The following CDKL3 variants were observed in gnomAD, a reference collection of about 807,000 sequenced individuals.
The protein encoded by CDKL3 is cyclin dependent kinase like 3, also known as cyclin-dependent kinase-like 3.
CDKL3 carries 65 observed loss-of-function variants against 69.3 expected under a neutral mutation model. The observed-to-expected ratio is 0.94, with a 90% CI of 0.77 to 1.15. The LOEUF (loss-of-function observed/expected upper bound fraction) is 1.15. CDKL3 is among the 50% of genes most tolerant of loss of function. CDKL3 has a pLI of 0.00. For synonymous variants in CDKL3, 202 were observed against 221.6 expected (o/e 0.91, Z 0.79); for missense variants, 652 against 689.2 (o/e 0.95, Z 0.61).
intron 4 of CDKL3, among the ~76,000 whole-genome samples, chr5:134,329,462 T>C (rs1290314947): frequency 2.0e-5 from 3 of 151,950 alleles, no homozygotes; most frequent in Admixed American, 2.0e-4. Context: ...TTTAATTTAA[T>C]TTTTTATTTT....
intron 6 of CDKL3, chr5:134,318,913 T>A (rs1771937415): frequency 6.6e-6 from 1 of 152,332 alleles, no homozygotes; most frequent in Admixed American, 6.5e-5. Context: ...AAAGACATAA[T>A]TTTCTACAGT....
intron 3 of CDKL3, 32 bp downstream of exon 3, chr5:134,359,865 T>C (rs1317048376): frequency 7.3e-7 from 1 of 1,377,916 alleles, no homozygotes; most frequent in South Asian, 1.3e-5. Context: ...TTCATATTCA[T>C]CCTACAAATT....
intron 4 of CDKL3, among the ~76,000 whole-genome samples, chr5:134,335,478 GT>G (rs1278478741): frequency 2.6e-5 from 4 of 152,042 alleles, no homozygotes; most frequent in African/African-American, 9.7e-5. Context: ...TCCTTTCCAT[GT>G]TTAGTGCTTC....
rs777773092 is a variant in CDKL3 at position 134,312,374 on chromosome 5, A to G, written c.799T>C (p.Leu267=). Residue 267 remains leucine (L), a synonymous_variant, in exon 7 of 13, where the codon TTA becomes CTA. Transcript: ENST00000265334. The part of the protein sequence containing the change: ...GLLADIVHAC[L]QIDPADRISS... ...ATCCTGTCAGCAGGATCAATTTGTA[A>G]ACAAGCCTAGGAAAGGAAAAAGATT... The G allele has an allele frequency of 1.0e-5, 16 of 1,586,856 alleles. No individual in the cohort carries two copies. The highest frequency in any genetic ancestry group is 1.4e-5 in the African/African-American group (1 of 73,802).
rs1044184247 is a variant in CDKL3 at position 134,288,140 on chromosome 5, C to T, written c.*678-1581G>A. ...AACTCCTGACCTCAGGTGATCTGCC[C>T]GCCTTGGCCTCCCAAAGTGCTGGGA... On this transcript the variant is annotated intron_variant and NMD_transcript_variant, in intron 8 of 8. Coordinates refer to the CDKL3 transcript ENST00000519312. Among the ~76,000 whole-genome samples, 4 of 151,698 alleles carry T rather than the reference C, an allele frequency of 2.6e-5. No individual in the cohort carries two copies. In the South Asian group the frequency reaches 8.3e-4, roughly 31 times the overall value.
chr5:134,357,803 T>A (rs958777513), intron 3 of CDKL3, among the ~76,000 whole-genome samples: 27 of 152,300 alleles, frequency 1.8e-4, no homozygotes, highest in African/African-American at 6.3e-4. Flanking sequence ...CACCCACACA[T>A]CTAGATTGTC....
At chr5:134,366,895 G>T in intron 1 of CDKL3, 82 bp downstream of exon 1, 1 of 1,003,212 alleles carries the variant, frequency 1.0e-6, no homozygotes, top group African/African-American at 1.7e-5. Flanking sequence ...CACTACTGCA[G>T]TCGCCCACTT....
chr5:134,289,166 A>T (rs1443806869), intron 8 of CDKL3, among the ~76,000 whole-genome samples: 2 of 112,758 alleles, frequency 1.8e-5, no homozygotes, highest in South Asian at 2.7e-4. Context: ...TGTCTCATAA[A>T]AAAAAAAAAA....
At chr5:134,348,210 G>A (rs984471760) in intron 4 of CDKL3, among the ~76,000 whole-genome samples, 27 of 152,202 alleles carry the variant, frequency 1.8e-4, no homozygotes, top group African/African-American at 6.3e-4. Context: ...AACATAGTGA[G>A]ACCTGTCTCT....
At chr5:134,298,411 CA>C (rs1354227369), downstream of CDKL3, 112 of 1,285,526 alleles carry the variant, frequency 8.7e-5, no homozygotes, top group East Asian at 2.9e-4. Flanking sequence ...GTAATCATGG[CA>C]AAAAAAAGAA....
chr5:134,322,004 T>C, intron 4 of CDKL3, 101 bp from the exon 5 acceptor site: 1 of 686,032 alleles, frequency 1.5e-6, no homozygotes, highest in Non-Finnish European at 2.5e-6. Flanking sequence ...AAGAAACAAG[T>C]AGTATCATTT....
At chr5:134,358,554 C>T (rs1031768369) in intron 3 of CDKL3, among the ~76,000 whole-genome samples, 12 of 151,698 alleles carry the variant, frequency 7.9e-5, no homozygotes, top group African/African-American at 2.9e-4. Flanking sequence ...CTTTCCTTAA[C>T]ACAACTATTA....
chr5:134,332,351 G>A (rs1255364820), intron 4 of CDKL3, among the ~76,000 whole-genome samples: 1 of 152,120 alleles, frequency 6.6e-6, no homozygotes, highest in Admixed American at 6.5e-5. Context: ...TGGTGTTTTA[G>A]TCATGAAGTC....
In CDKL3 at chr5:134,339,502, G is replaced by A. The variant is rs556119209; in HGVS notation, c.539+10747C>T. Among the ~76,000 whole-genome samples, 7 of 152,204 alleles carry A rather than the reference G, an allele frequency of 4.6e-5. No homozygotes were observed. In the South Asian group the frequency reaches 1.0e-3, roughly 23 times the overall value. On this transcript the variant is annotated intron_variant, in intron 4 of 12. Coordinates refer to ENST00000265334, the MANE Select transcript of CDKL3 (RefSeq NM_001113575.2). The stretch of plus-strand genomic sequence containing the variant: ...TATTAGAAAACTGTAATAATGATAA[G>A]CATGTCTAAACCAATTAGAAAATCA...
intron 2 of CDKL3, among the ~76,000 whole-genome samples, chr5:134,363,944 A>G (rs1186046923): frequency 2.8e-5 from 4 of 142,826 alleles, no homozygotes; most frequent in Non-Finnish European, 4.5e-5. Context: ...GGCAACAGGG[A>G]GACTCCATTT....
chr5:134,354,830 C>T (rs1754174277), intron 3 of CDKL3, among the ~76,000 whole-genome samples: 1 of 152,036 alleles, frequency 6.6e-6, no homozygotes, highest in East Asian at 1.9e-4. Flanking sequence ...GCCTATAGTC[C>T]CAGCTACTCA....
At chr5:134,288,735 T>A (rs1181162803) in intron 8 of CDKL3, among the ~76,000 whole-genome samples, 1 of 152,166 alleles carries the variant, frequency 6.6e-6, no homozygotes, top group Non-Finnish European at 1.5e-5. Context: ...GTGTCCTGTG[T>A]GTGTTAAACC....
chr5:134,305,269 C>T (rs991998171), intron 10 of CDKL3, among the ~76,000 whole-genome samples: 4 of 152,130 alleles, frequency 2.6e-5, no homozygotes, highest in African/African-American at 4.8e-5. Context: ...CCACCACACA[C>T]GACTAATTTA....
upstream of CDKL3, chr5:134,371,576 C>T (rs369451577): frequency 5.1e-5 from 83 of 1,611,824 alleles, no homozygotes; most frequent in Middle Eastern, 5.0e-4. Flanking sequence ...TTCAGACTGA[C>T]CGCGGGGCAG....
Sources: allele counts gnomAD v4.1 joint callset (sites outside exome capture counted in the v4.1 genomes callset), GRCh38; gene constraint gnomAD v4.1.1; transcripts MANE v1.5; gene names NCBI Gene and HGNC (gene_info 2026-07-23, HGNC 2026-07-21).